FBN2: variants seen among roughly 807,000 people sequenced by gnomAD.
FBN2 encodes fibrillin 2.
A neutral mutation model predicts 355.6 loss-of-function variants in FBN2; 105 were observed. The ratio of observed to expected loss-of-function variants is 0.30; its 90% CI spans 0.25 to 0.35. The LOEUF is 0.35. Ranked by LOEUF, FBN2 falls within the 10% of genes least tolerant of loss-of-function variation. The probability of loss-of-function intolerance (pLI) is 1.00; values close to 1 mark genes in which losing one functional copy is unlikely to be tolerated. For synonymous variants in FBN2, 1,350 were observed against 1,301.2 expected, an observed-to-expected ratio of 1.04 and a Z score of -0.81; for missense variants, 3,280 against 3,758.7, an observed-to-expected ratio of 0.87 and a Z score of 3.33.
chr5:128,339,205 G>C, intron 25 of FBN2, 144 bp from the exon 26 acceptor site: 1 of 772,456 alleles, frequency 1.3e-6, no homozygotes, highest in Non-Finnish European at 2.2e-6. Flanking sequence ...AGATAGAAGG[G>C]CCTGGGACCT....
At chr5:128,401,221 C>T (rs992025911) in intron 8 of FBN2, among the ~76,000 whole-genome samples, 3 of 152,102 alleles carry the variant, frequency 2.0e-5, no homozygotes, top group Admixed American at 2.0e-4. Flanking sequence ...AATCCCCAGA[C>T]TTTGGGAGTA....
chr5:128,473,883 C>A (rs948543944), intron 5 of FBN2, among the ~76,000 whole-genome samples: 2 of 152,160 alleles, frequency 1.3e-5, no homozygotes, highest in African/African-American at 4.8e-5. Context: ...ACCACAGTTG[C>A]CTTGCATTTT....
chr5:128,389,230 G>C (rs1752447372), intron 11 of FBN2, among the ~76,000 whole-genome samples: 1 of 152,174 alleles, frequency 6.6e-6, no homozygotes, highest in Non-Finnish European at 1.5e-5. Flanking sequence ...GGGGTGATGA[G>C]GCCTATGTGC....
At chr5:128,420,586 AC>A (rs1394001713) in intron 7 of FBN2, among the ~76,000 whole-genome samples, 15 of 152,226 alleles carry the variant, frequency 9.9e-5, no homozygotes, top group African/African-American at 3.4e-4. Flanking sequence ...GTTGAATCAG[AC>A]TGAAATTTAA....
chr5:128,301,335 T>C (rs778981471), intron 47 of FBN2, 47 bp downstream of exon 47: 1 of 1,553,418 alleles, frequency 6.4e-7, no homozygotes, highest in Non-Finnish European at 8.9e-7. Flanking sequence ...TATCATCATT[T>C]TACAAAACAT....
intron 34 of FBN2, among the ~76,000 whole-genome samples, chr5:128,327,742 A>G (rs888460187): frequency 6.6e-6 from 1 of 151,906 alleles, no homozygotes; most frequent in Non-Finnish European, 1.5e-5. Context: ...GGGTTCAAGC[A>G]ATTTTCCTGC....
In FBN2 at chr5:128,536,382, G is replaced by A; in HGVS notation, c.337+20C>T. ...GGCCGAGTGCGCTGCCCCAAGCTGC[G>A]ATCCCTGCCAAGCACTCACGGACAA... On this transcript the variant is annotated intron_variant, in intron 2 of 64. Coordinates refer to ENST00000262464, the MANE Select transcript of FBN2 (RefSeq NM_001999.4). 3 of 1,607,114 alleles carry A rather than the reference G, an allele frequency of 1.9e-6. No homozygotes were observed. The highest frequency in any genetic ancestry group is 1.7e-6 in the Non-Finnish European group (2 of 1,173,946).
At chr5:128,438,564 G>A (rs1210463943) in intron 7 of FBN2, among the ~76,000 whole-genome samples, 3 of 152,138 alleles carry the variant, frequency 2.0e-5, no homozygotes, top group Admixed American at 6.5e-5. Flanking sequence ...CCCACATTCA[G>A]TAAGCTTTAG....
At chr5:128,497,163 C>T (rs11960575) in intron 5 of FBN2, among the ~76,000 whole-genome samples, 50,411 of 152,026 alleles carry the variant, frequency 0.33, 13,304 homozygotes, top group African/African-American at 0.74. Flanking sequence ...GAGTGAGGTA[C>T]AGAAATAGGT....
chr5:128,318,758 C>A, intron 35 of FBN2, 121 bp downstream of exon 35: 1 of 986,952 alleles, frequency 1.0e-6, no homozygotes, highest in South Asian at 1.8e-5. Context: ...TTTTCTTTTT[C>A]TGAAAAATGT....
chr5:128,449,436 T>G (rs1241916281), intron 6 of FBN2, among the ~76,000 whole-genome samples: 1 of 140,272 alleles, frequency 7.1e-6, no homozygotes, highest in Non-Finnish European at 1.6e-5. Flanking sequence ...TAGTATACTG[T>G]ATAATTATAT....
Position 128,312,698 on chromosome 5 carries a change from T to C in FBN2, c.4815A>G (p.Ser1605=), listed in dbSNP as rs377657220. 6 of 1,614,012 alleles carry C rather than the reference T, an allele frequency of 3.7e-6. No homozygotes were observed. The South Asian group carries it at 6.6e-5, about 18-fold the overall frequency. The change falls in exon 37 of 65, where the codon TCA becomes TCG. Residue 1605 remains serine (S), a synonymous_variant. Transcript: ENST00000262464. ...AGGCCTTTCCCAGAGAGCAGCAGCA[T>C]GAAGAGCGACTGACGCCCACCCCGA... ...TEIGVGVSRS[S]CCCSLGKAWG... is the part of the protein sequence containing the mutation.
chr5:128,406,073 A>G (rs1371260512), intron 8 of FBN2, among the ~76,000 whole-genome samples: 1 of 152,194 alleles, frequency 6.6e-6, no homozygotes, highest in Non-Finnish European at 1.5e-5. Flanking sequence ...GTTCAAGAAA[A>G]TCAAGCCAGA....
chr5:128,486,676 G>C (rs998671233), intron 5 of FBN2, among the ~76,000 whole-genome samples: 7 of 151,922 alleles, frequency 4.6e-5, no homozygotes, highest in African/African-American at 7.3e-5. Flanking sequence ...ACAGTGTGCA[G>C]GTTTGTTACA....
chr5:128,370,728 T>C (rs1263210056), intron 15 of FBN2, among the ~76,000 whole-genome samples: 2 of 152,086 alleles, frequency 1.3e-5, no homozygotes, highest in African/African-American at 4.8e-5. Flanking sequence ...TTAGAGCATA[T>C]GCCATGCAGA....
chr5:128,260,879 G>A (rs933187687), intron 64 of FBN2, among the ~76,000 whole-genome samples: 2 of 152,186 alleles, frequency 1.3e-5, no homozygotes, highest in African/African-American at 4.8e-5. Context: ...ATTAACTGCA[G>A]AGAGTGGTGA....
Position 128,369,256 on chromosome 5 carries a change from T to G in FBN2, c.2174A>C (p.Lys725Thr), listed in dbSNP as rs1581246015. 3.1e-6 allele frequency: 5 copies of G among 1,614,054 alleles called. No homozygotes were observed. The change falls in exon 16 of 65, where the codon AAG becomes ACG. Residue 725 changes from lysine (K) to threonine (T), a missense_variant. This residue lies in a region of FBN2 where 2,284 missense variants were observed against 2,749.5 expected (regional missense o/e 0.83). Transcript: ENST00000262464. ...TGGATTGGCACAGCAGCATTCGGAC[T>G]TGGTCACTGCACCGGGGAAAGGACG... The part of the protein sequence containing the change: ...CVRPFPGAVT[K>T]SECCCANPDY...
chr5:128,260,594 A>G (rs568218738), intron 64 of FBN2, among the ~76,000 whole-genome samples: 61 of 152,354 alleles, frequency 4.0e-4, no homozygotes, highest in Middle Eastern at 6.8e-3. Flanking sequence ...TAGTACCCCA[A>G]TGGGAAAGTT....
chr5:128,304,660 G>A (rs1749817836), intron 45 of FBN2, among the ~76,000 whole-genome samples: 1 of 152,144 alleles, frequency 6.6e-6, no homozygotes, highest in Non-Finnish European at 1.5e-5. Flanking sequence ...AAGCCCAAGT[G>A]GCTCAGAGGG....
Sources: gnomAD v4.1 joint callset for allele counts (sites outside exome capture counted in the v4.1 genomes callset) on GRCh38, gnomAD v4.1.1 for gene constraint, gnomAD v4.1.1 regional missense constraint, MANE v1.5 for transcripts, NCBI Gene and HGNC (gene_info 2026-07-23, HGNC 2026-07-21) for gene names.